GTF2F2: variants seen among roughly 807,000 people sequenced by gnomAD.
GTF2F2 encodes ATP-dependent helicase GTF2F2.
GTF2F2 carries 23 observed loss-of-function variants against 42.2 expected under a neutral mutation model. The ratio of observed to expected loss-of-function variants is 0.55; its 90% CI spans 0.39 to 0.77. GTF2F2 has a LOEUF of 0.77. Among genes scored for constraint, GTF2F2 ranks in the 30% least tolerant of loss-of-function variants. GTF2F2 has a pLI of 0.00. For missense variants in GTF2F2, 261 were observed against 287.2 expected, an observed-to-expected ratio of 0.91 and a Z score of 0.66; for synonymous variants, 105 against 100.8, an observed-to-expected ratio of 1.04 and a Z score of -0.25.
At chr13:45,243,756 G>A (rs1234264830) in intron 5 of GTF2F2, among the ~76,000 whole-genome samples, 2 of 152,156 alleles carry the variant, frequency 1.3e-5, no homozygotes, top group Non-Finnish European at 2.9e-5. Flanking sequence ...CACCTCCTGG[G>A]TTCAAACGAT....
At chr13:45,182,695 T>A (rs990343365) in intron 4 of GTF2F2, among the ~76,000 whole-genome samples, 2 of 152,166 alleles carry the variant, frequency 1.3e-5, no homozygotes, top group African/African-American at 4.8e-5. Flanking sequence ...TGGAAGAATT[T>A]TTAGTTCATT....
chr13:45,164,380 C>T (rs1468040903), intron 4 of GTF2F2, among the ~76,000 whole-genome samples: 1 of 152,078 alleles, frequency 6.6e-6, no homozygotes, highest in East Asian at 1.9e-4. Context: ...TTAAAACTGA[C>T]CTATTTTTTT....
At chr13:45,223,774 A>C (rs9534066) in intron 5 of GTF2F2, among the ~76,000 whole-genome samples, 5 of 152,154 alleles carry the variant, frequency 3.3e-5, no homozygotes, top group African/African-American at 1.2e-4. Flanking sequence ...AAATATATAA[A>C]ATAAGAATTG....
chr13:45,170,563 G>A lies in GTF2F2; in HGVS notation c.304+18732G>A, dbSNP rs115970699. ...AATGACTTTTTTTTCAGCTAGTGAG[G>A]TACTCTGTACACAGAATATTTTCCC... On this transcript the variant is annotated intron_variant, in intron 4 of 7. Transcript: ENST00000340473. Among the ~76,000 whole-genome samples the A allele has an allele frequency of 2.1e-3, 317 of 152,234 alleles. 2 individuals carry two copies. The highest frequency in any genetic ancestry group is 7.3e-3 in the African/African-American group (302 of 41,538).
intron 7 of GTF2F2, among the ~76,000 whole-genome samples, chr13:45,281,653 A>G (rs1476507997): frequency 6.6e-6 from 1 of 152,264 alleles, no homozygotes; most frequent in Non-Finnish European, 1.5e-5. Context: ...TGTCTCATTT[A>G]ACAAGCTCCC....
chr13:45,239,414 A>G lies in GTF2F2; in HGVS notation c.387-13457A>G, dbSNP rs150724138. Reference sequence around the variant, plus strand: ...GGAATGCTGGTGATATACTCTTCCTAAAGAAGTGATAGTTAGGCAGTGGAT... The same window carrying G: ...GGAATGCTGGTGATATACTCTTCCTGAAGAAGTGATAGTTAGGCAGTGGAT... On this transcript the variant is annotated intron_variant, in intron 5 of 7. Transcript: ENST00000340473. Among the ~76,000 whole-genome samples the G allele has an allele frequency of 6.5e-3, 985 of 152,346 alleles. 11 individuals are homozygous for G. Among genetic ancestry groups the G allele is most frequent in the African/African-American group, 0.023 (946 of 41,576 alleles).
chr13:45,132,696 A>G (rs1295336446), intron 1 of GTF2F2, among the ~76,000 whole-genome samples: 1 of 152,084 alleles, frequency 6.6e-6, no homozygotes, highest in Non-Finnish European at 1.5e-5. Flanking sequence ...TAGTTTATCC[A>G]TTGTTTAAAG....
intron 4 of GTF2F2, among the ~76,000 whole-genome samples, chr13:45,204,453 C>T (rs1202945984): frequency 6.6e-6 from 1 of 152,174 alleles, no homozygotes; most frequent in Non-Finnish European, 1.5e-5. Context: ...ACTGGGTCAA[C>T]AAACTAGCTT....
chr13:45,238,105 C>A (rs924248237), intron 5 of GTF2F2, among the ~76,000 whole-genome samples: 1 of 152,100 alleles, frequency 6.6e-6, no homozygotes, highest in Non-Finnish European at 1.5e-5. Flanking sequence ...AGGTGCACAC[C>A]GCTGCACTCG....
At chr13:45,161,114 G>A (rs932381883) in intron 4 of GTF2F2, among the ~76,000 whole-genome samples, 3 of 152,080 alleles carry the variant, frequency 2.0e-5, no homozygotes, top group African/African-American at 7.2e-5. Context: ...TTAAAAAATT[G>A]CAAGTGCTAG....
intron 7 of GTF2F2, among the ~76,000 whole-genome samples, chr13:45,278,522 TG>T (rs1477902411): frequency 1.3e-5 from 2 of 152,178 alleles, no homozygotes; most frequent in African/African-American, 4.8e-5. Context: ...CAATCCTATG[TG>T]ACATAAAAGT....
At chr13:45,175,301 CCATTGTGTATATATACCA>C (rs1413003513) in intron 4 of GTF2F2, among the ~76,000 whole-genome samples, 1 of 152,082 alleles carries the variant, frequency 6.6e-6, no homozygotes, top group Admixed American at 6.6e-5. Flanking sequence ...GAATAGTATT[CCATTGTGTATATATACCA>C]CATTTTCTTT....
At chr13:45,169,103 C>A (rs1473125540) in intron 4 of GTF2F2, among the ~76,000 whole-genome samples, 2 of 151,828 alleles carry the variant, frequency 1.3e-5, no homozygotes, top group Non-Finnish European at 2.9e-5. Flanking sequence ...GATCCGATCG[C>A]CTCGGCCTCC....
chr13:45,180,465 A>G (rs1872097984), intron 4 of GTF2F2, among the ~76,000 whole-genome samples: 3 of 152,170 alleles, frequency 2.0e-5, no homozygotes, highest in South Asian at 2.1e-4. Flanking sequence ...TGTGTAATAT[A>G]TCTTCCTCAA....
chr13:45,141,753 TGC>T (rs1334283046), intron 2 of GTF2F2, among the ~76,000 whole-genome samples: 1 of 152,168 alleles, frequency 6.6e-6, no homozygotes, highest in Non-Finnish European at 1.5e-5. Flanking sequence ...CCCATTCACA[TGC>T]TTTAGAGGTG....
chr13:45,258,999 T>C (rs1876215059), intron 6 of GTF2F2, among the ~76,000 whole-genome samples: 1 of 152,212 alleles, frequency 6.6e-6, no homozygotes, highest in South Asian at 2.1e-4. Flanking sequence ...TAGCATTCTT[T>C]TATGTATTTC....
At chr13:45,246,033 G>A (rs1023607679) in intron 5 of GTF2F2, among the ~76,000 whole-genome samples, 12 of 138 alleles carry the variant, frequency 0.087, no homozygotes, top group Middle Eastern at 0.5. Flanking sequence ...ATTTTGAGAC[G>A]GAGCTCGCTC....
intron 4 of GTF2F2, among the ~76,000 whole-genome samples, chr13:45,164,538 G>A (rs1007318644): frequency 6.6e-6 from 1 of 152,192 alleles, no homozygotes; most frequent in Non-Finnish European, 1.5e-5. Flanking sequence ...TTAGAGACCA[G>A]CCTGGACAAA....
chr13:45,148,917 G>A (rs927334949), intron 2 of GTF2F2, among the ~76,000 whole-genome samples: 17 of 152,040 alleles, frequency 1.1e-4, no homozygotes, highest in African/African-American at 2.4e-4. Flanking sequence ...TTTTTTGCTC[G>A]TCTGTATTAA....
Sources: allele counts gnomAD v4.1 joint callset (sites outside exome capture counted in the v4.1 genomes callset), GRCh38; gene constraint gnomAD v4.1.1; transcripts MANE v1.5; gene names NCBI Gene and HGNC (gene_info 2026-07-23, HGNC 2026-07-21).